Variants in SYT14 observed in about 807,000 individuals in gnomAD.
SYT14 encodes the protein synaptotagmin 14.
SYT14 carries 32 observed loss-of-function variants against 74.2 expected under a neutral mutation model. The observed-to-expected ratio is 0.43, with a 90% CI of 0.33 to 0.58. The LOEUF (loss-of-function observed/expected upper bound fraction) is 0.58, where lower values mean the gene tolerates loss of function less well. SYT14 is among the 20% of genes least tolerant of loss of function. SYT14 has a pLI of 0.05. For synonymous variants in SYT14, 298 were observed against 337.7 expected (o/e 0.88, Z 1.29); for missense variants, 791 against 981.8 (o/e 0.81, Z 2.60).
chr1:209,979,014 A>G (rs1200862006), intron 2 of SYT14, among the ~76,000 whole-genome samples: 2 of 152,132 alleles, frequency 1.3e-5, no homozygotes, highest in African/African-American at 4.8e-5. Flanking sequence ...CAGGCGCGGG[A>G]TATAATCTCC....
At chr1:210,056,978 G>A (rs2081111503) in intron 5 of SYT14, among the ~76,000 whole-genome samples, 1 of 151,894 alleles carries the variant, frequency 6.6e-6, no homozygotes, top group Non-Finnish European at 1.5e-5. Context: ...CTGAGTAGCT[G>A]GGATTACAGG....
intron 2 of SYT14, among the ~76,000 whole-genome samples, chr1:209,981,816 G>C (rs1572107633): frequency 6.6e-6 from 1 of 152,162 alleles, no homozygotes; most frequent in Admixed American, 6.5e-5. Context: ...GCCTTGTAAA[G>C]TTTCTGCCGA....
chr1:210,053,211 A>G (rs2081035499), intron 5 of SYT14, among the ~76,000 whole-genome samples: 1 of 152,214 alleles, frequency 6.6e-6, no homozygotes, highest in African/African-American at 2.4e-5. Context: ...GTGAATCACT[A>G]ATTTATGCCA....
At chr1:210,029,508 T>C (rs549274340) in intron 5 of SYT14, among the ~76,000 whole-genome samples, 55 of 152,160 alleles carry the variant, frequency 3.6e-4, no homozygotes, top group Non-Finnish European at 2.5e-4. Flanking sequence ...TCCCAGAACA[T>C]TTGTTAAAAA....
At chr1:209,987,000 A>G (rs1001490028) in intron 2 of SYT14, among the ~76,000 whole-genome samples, 5 of 152,228 alleles carry the variant, frequency 3.3e-5, no homozygotes, top group African/African-American at 1.2e-4. Context: ...TTAAGGCATA[A>G]TATGAGTTAC....
intron 2 of SYT14, among the ~76,000 whole-genome samples, chr1:210,005,340 G>C (rs12065575): frequency 0.035 from 5,273 of 151,972 alleles, 617 homozygotes; most frequent in Admixed American, 0.23. Context: ...TGATGGGTTT[G>C]AACTAAATCT....
At chr1:209,990,102 A>G (rs1454579002) in intron 2 of SYT14, among the ~76,000 whole-genome samples, 2 of 152,162 alleles carry the variant, frequency 1.3e-5, no homozygotes, top group Admixed American at 1.3e-4. Context: ...ACTGGACCCA[A>G]TATGTAGTTA....
intron 5 of SYT14, among the ~76,000 whole-genome samples, chr1:210,037,970 A>G (rs1048672982): frequency 5.9e-5 from 9 of 152,038 alleles, no homozygotes; most frequent in Non-Finnish European, 7.4e-5. Context: ...CTAAAATCCA[A>G]TTTAAGTTCA....
chr1:210,156,973 C>CCCTT, intron 8 of SYT14: 42 of 240,104 alleles, frequency 1.7e-4, no homozygotes, highest in Non-Finnish European at 2.8e-4. Flanking sequence ...GGATTACAGG[C>CCCTT]GTGAGCCACT....
At chr1:209,962,341 T>C (rs909013156) in intron 2 of SYT14, among the ~76,000 whole-genome samples, 7 of 151,912 alleles carry the variant, frequency 4.6e-5, no homozygotes, top group African/African-American at 1.4e-4. Flanking sequence ...AGGGGACCAA[T>C]AGATTTTTGT....
At chr1:210,010,847 AC>A (rs1351949905) in intron 2 of SYT14, among the ~76,000 whole-genome samples, 3 of 152,208 alleles carry the variant, frequency 2.0e-5, no homozygotes, top group African/African-American at 7.2e-5. Flanking sequence ...TACTATCTGA[AC>A]ACATAGTTTA....
intron 7 of SYT14, among the ~76,000 whole-genome samples, chr1:210,109,305 C>T (rs909555290): frequency 6.6e-6 from 1 of 151,992 alleles, no homozygotes; most frequent in African/African-American, 2.4e-5. Flanking sequence ...ACAGACCGGG[C>T]GCGTTGGCTC....
intron 5 of SYT14, among the ~76,000 whole-genome samples, chr1:210,079,293 C>T (rs1430771939): frequency 6.6e-6 from 1 of 151,766 alleles, no homozygotes; most frequent in South Asian, 2.1e-4. Flanking sequence ...TCAATAGAAG[C>T]CCAAACCTCA....
chr1:210,008,494 G>A (rs1407293997), intron 2 of SYT14, among the ~76,000 whole-genome samples: 1 of 152,084 alleles, frequency 6.6e-6, no homozygotes, highest in Non-Finnish European at 1.5e-5. Flanking sequence ...CTCCTGAGTA[G>A]CTGGGATTAG....
At chr1:209,952,934 T>A (rs1398535862) in intron 2 of SYT14, 178 bp downstream of exon 2, 2 of 1,092,662 alleles carry the variant, frequency 1.8e-6, no homozygotes, top group Non-Finnish European at 2.6e-6. Context: ...TATGTGATTA[T>A]TGAGAGTTGT....
intron 5 of SYT14, among the ~76,000 whole-genome samples, chr1:210,046,735 A>T (rs1357460023): frequency 6.6e-6 from 1 of 152,174 alleles, no homozygotes; most frequent in Non-Finnish European, 1.5e-5. Context: ...GTATAAATAT[A>T]CCACATATTG....
intron 2 of SYT14, among the ~76,000 whole-genome samples, chr1:209,991,152 T>A (rs766261253): frequency 9.2e-5 from 14 of 152,158 alleles, no homozygotes; most frequent in Non-Finnish European, 1.9e-4. Context: ...AAGCCTTAAA[T>A]GTAAGTCCTG....
At chr1:209,977,320 G>A (rs1292752234) in intron 2 of SYT14, among the ~76,000 whole-genome samples, 3 of 152,118 alleles carry the variant, frequency 2.0e-5, no homozygotes, top group Non-Finnish European at 4.4e-5. Flanking sequence ...TTACAATTTG[G>A]CATGTTTTTG....
At chr1:210,073,983 A>G (rs1005209262) in intron 5 of SYT14, among the ~76,000 whole-genome samples, 2 of 152,176 alleles carry the variant, frequency 1.3e-5, no homozygotes, top group African/African-American at 4.8e-5. Context: ...AAAAACTCAG[A>G]TGTAAAAACA....
Sources: allele counts gnomAD v4.1 joint callset (sites outside exome capture counted in the v4.1 genomes callset), GRCh38; gene constraint gnomAD v4.1.1; transcripts MANE v1.5; gene names NCBI Gene and HGNC (gene_info 2026-07-23, HGNC 2026-07-21).